The following MYO1E variants were observed in gnomAD, a reference collection of about 807,000 sequenced individuals.
The protein encoded by MYO1E is unconventional myosin-Ie.
In MYO1E, 68 loss-of-function variants were observed where a neutral mutation model predicts 151.1. The observed-to-expected ratio is 0.45, with a 90% CI of 0.37 to 0.55. The LOEUF (loss-of-function observed/expected upper bound fraction) is 0.55. Among genes scored for constraint, MYO1E ranks in the 20% least tolerant of loss-of-function variants. MYO1E has a pLI of 0.00. For missense variants in MYO1E, 1,363 were observed against 1,389.3 expected, an observed-to-expected ratio of 0.98 and a Z score of 0.30; for synonymous variants, 601 against 501.7, an observed-to-expected ratio of 1.20 and a Z score of -2.64.
chr15:59,356,887 T>TTG (rs1555422431), intron 1 of MYO1E, among the ~76,000 whole-genome samples: 3 of 149,700 alleles, frequency 2.0e-5, no homozygotes, highest in African/African-American at 7.5e-5. Flanking sequence ...AAGTTTTTTT[T>TTG]TTTGTTTGTT....
intron 1 of MYO1E, among the ~76,000 whole-genome samples, chr15:59,332,479 G>C (rs1323047670): frequency 6.6e-6 from 1 of 152,138 alleles, no homozygotes; most frequent in South Asian, 2.1e-4. Context: ...GCTGACACTA[G>C]GGAGGCCACG....
intron 9 of MYO1E, among the ~76,000 whole-genome samples, chr15:59,220,382 G>A (rs1410062682): frequency 6.6e-6 from 1 of 152,240 alleles, no homozygotes. Flanking sequence ...CCAGGAGGTG[G>A]AGGTTGCAGT....
rs750561155 is a variant in MYO1E, at chr15:59,136,871, T to C, written c.*509A>G. On this transcript the variant is annotated 3_prime_UTR_variant, in exon 28 of 28. Coordinates refer to ENST00000288235, the MANE Select transcript of MYO1E (RefSeq NM_004998.4). ...GGCCAGCTTACCCTTGGCACGTACA[T>C]GGGAAGTGCCTGCTCACGCTAAGCC... The C allele has an allele frequency of 4.7e-6, 2 of 424,976 alleles. No individual in the cohort carries two copies. The highest frequency in any genetic ancestry group is 3.3e-5 in the South Asian group (2 of 60,754). 26.3% of individuals were successfully genotyped at this position (424,976 alleles called of 1,614,324 possible).
At chr15:59,307,357 T>C (rs796491617) in intron 1 of MYO1E, among the ~76,000 whole-genome samples, 27 of 152,334 alleles carry the variant, frequency 1.8e-4, no homozygotes, top group African/African-American at 5.8e-4. Flanking sequence ...CGTTTTCTAT[T>C]GGAAGGAGAA....
At chr15:59,280,500 T>G (rs1464921679) in intron 1 of MYO1E, among the ~76,000 whole-genome samples, 20 of 151,786 alleles carry the variant, frequency 1.3e-4, no homozygotes, top group African/African-American at 4.1e-4. Context: ...TGCACTCCTG[T>G]AATCCCAGCT....
chr15:59,317,744 G>A (rs1489252790), intron 1 of MYO1E, among the ~76,000 whole-genome samples: 1 of 152,210 alleles, frequency 6.6e-6, no homozygotes, highest in African/African-American at 2.4e-5. Flanking sequence ...TCAGGGCCTA[G>A]GGGTGCTAAA....
At chr15:59,360,723 T>C (rs2080880393) in intron 1 of MYO1E, among the ~76,000 whole-genome samples, 1 of 152,204 alleles carries the variant, frequency 6.6e-6, no homozygotes, top group Non-Finnish European at 1.5e-5. Context: ...CGATTCCTCA[T>C]GCCTTGCTTG....
chr15:59,282,669 G>A (rs1446480001), intron 1 of MYO1E, among the ~76,000 whole-genome samples: 1 of 149,516 alleles, frequency 6.7e-6, no homozygotes, highest in Non-Finnish European at 1.5e-5. Context: ...AACATAGCGA[G>A]ACCCCATCTC....
At chr15:59,256,162 A>G (rs569173147) in intron 4 of MYO1E, 122 bp downstream of exon 4, 2 of 734,790 alleles carry the variant, frequency 2.7e-6, no homozygotes, top group East Asian at 5.4e-5. Flanking sequence ...CTTGCTACTC[A>G]GACACATTAA....
rs776535741 is a variant in MYO1E at position 59,218,043 on chromosome 15, A to G, written c.955T>C (p.Leu319=). 5 of 1,614,192 alleles carry G rather than the reference A, an allele frequency of 3.1e-6. No individual in the cohort carries two copies. The highest frequency in any genetic ancestry group is 2.2e-5 in the East Asian group (1 of 44,886). ...AYLLGINQDR[L]KEKLTSRQMD... ...TGCCGGCTTGTTAGCTTTTCTTTCAACCGGTCCTGGTTTATCCCTAGCAGA... is the reference window on the plus strand; with the variant it reads ...TGCCGGCTTGTTAGCTTTTCTTTCAGCCGGTCCTGGTTTATCCCTAGCAGA... Residue 319 remains leucine, a synonymous_variant, in exon 10 of 28, where the codon TTG becomes CTG. Coordinates refer to ENST00000288235, the MANE Select transcript of MYO1E (RefSeq NM_004998.4).
At chr15:59,316,163 CA>C (rs1301841195) in intron 1 of MYO1E, among the ~76,000 whole-genome samples, 2 of 152,214 alleles carry the variant, frequency 1.3e-5, no homozygotes, top group Non-Finnish European at 2.9e-5. Context: ...CAGAGTGCAA[CA>C]ATCTCTCACC....
At chr15:59,214,568 T>C in intron 11 of MYO1E, 72 bp downstream of exon 11, 2 of 1,341,898 alleles carry the variant, frequency 1.5e-6, no homozygotes, top group Non-Finnish European at 2.1e-6. Flanking sequence ...TTGCATTGCC[T>C]AGAATTATTT....
At chr15:59,139,736 A>AT (rs1182113490) in intron 26 of MYO1E, among the ~76,000 whole-genome samples, 2 of 143,176 alleles carry the variant, frequency 1.4e-5, no homozygotes, top group Non-Finnish European at 3.0e-5. Context: ...CCTCCTCATT[A>AT]TTACTCCTCA....
At chr15:59,138,846 A>G (rs745569208) in intron 26 of MYO1E, among the ~76,000 whole-genome samples, 2 of 152,092 alleles carry the variant, frequency 1.3e-5, no homozygotes, top group Non-Finnish European at 2.9e-5. Context: ...TTTGCCACAC[A>G]TGTAAATACC....
chr15:59,360,451 G>C (rs796109291), intron 1 of MYO1E, among the ~76,000 whole-genome samples: 19 of 152,304 alleles, frequency 1.2e-4, no homozygotes, highest in African/African-American at 4.6e-4. Flanking sequence ...GCAGCAAGAA[G>C]TATTGTCCCC....
intron 1 of MYO1E, among the ~76,000 whole-genome samples, chr15:59,337,475 GA>G (rs2080736300): frequency 6.6e-6 from 1 of 152,174 alleles, no homozygotes. Context: ...GCATTTGGCA[GA>G]AAATAGAGCT....
chr15:59,340,544 TA>T (rs1414369091), intron 1 of MYO1E, among the ~76,000 whole-genome samples: 2 of 152,216 alleles, frequency 1.3e-5, no homozygotes, highest in Non-Finnish European at 2.9e-5. Flanking sequence ...TTACCATGTG[TA>T]GTATCAAATA....
At chr15:59,157,923 G>T (rs1335854586) in intron 25 of MYO1E, among the ~76,000 whole-genome samples, 1 of 152,164 alleles carries the variant, frequency 6.6e-6, no homozygotes, top group East Asian at 1.9e-4. Flanking sequence ...AGTGGTGGTG[G>T]GGTTAGACCT....
chr15:59,253,121 A>G (rs531747981), intron 4 of MYO1E, among the ~76,000 whole-genome samples: 1 of 152,354 alleles, frequency 6.6e-6, no homozygotes, highest in East Asian at 1.9e-4. Context: ...GTACAATATT[A>G]AAAGTCCACT....
Sources: allele counts gnomAD v4.1 joint callset (sites outside exome capture counted in the v4.1 genomes callset), GRCh38; gene constraint gnomAD v4.1.1; transcripts MANE v1.5; gene names NCBI Gene and HGNC (gene_info 2026-07-23, HGNC 2026-07-21).